PRRC2A: variants seen among roughly 807,000 people sequenced by gnomAD.
The protein encoded by PRRC2A is proline rich coiled-coil 2A.
Under a neutral mutation model 224.6 loss-of-function variants are expected in PRRC2A, and 59 were observed. The observed-to-expected ratio is 0.26, with a 90% CI of 0.21 to 0.33. The LOEUF is 0.33. Among genes scored for constraint, PRRC2A ranks in the 10% least tolerant of loss-of-function variants. The pLI is 1.00. For synonymous variants in PRRC2A, 1,194 were observed against 1,109.5 expected (o/e 1.08, Z -1.51); for missense variants, 3,095 against 2,880.7 (o/e 1.07, Z -1.70).
At chr6:31,622,640 C>T in intron 1 of PRRC2A, 50 bp from the exon 2 acceptor site, 1 of 630,184 alleles carries the variant, frequency 1.6e-6, no homozygotes, top group Non-Finnish European at 2.8e-6. Flanking sequence ...TATCTGAGTC[C>T]CTAATGATAA....
At position 31,631,105 on chromosome 6, in the gene PRRC2A, T is replaced by G; in HGVS notation, c.2466-34T>G. 2 of 1,441,920 alleles carry G rather than the reference T, an allele frequency of 1.4e-6. No homozygotes were observed. The highest frequency in any genetic ancestry group is 9.4e-7 in the Non-Finnish European group (1 of 1,068,536). The allele number at this position is 1,441,920 out of a possible 1,614,324, so 89.3% of individuals were successfully genotyped here. On this transcript the variant is annotated intron_variant, in intron 15 of 30. Coordinates refer to ENST00000376033, the MANE Select transcript of PRRC2A (RefSeq NM_004638.4). This position sits in a 1 kb window ranked among gnomAD's most constrained non-coding sequence, Gnocchi z 4.5. ...CCACCTAGTTCTGGTTTTCCTGAGA[T>G]ACTTATTTCCATTCTTTCTGTCTGT...
chr6:31,628,978 A>T (rs1420725771), intron 12 of PRRC2A, 166 bp from the exon 13 acceptor site: 1 of 678,282 alleles, frequency 1.5e-6, no homozygotes, highest in Non-Finnish European at 2.5e-6. Context: ...ATGAGAGGCC[A>T]TGAAGTGCTT....
chr6:31,623,466 C>T (rs1373789084), intron 2 of PRRC2A, among the ~76,000 whole-genome samples: 1 of 151,994 alleles, frequency 6.6e-6, no homozygotes, highest in Non-Finnish European at 1.5e-5. Flanking sequence ...AGGGTTTCTC[C>T]ATTTTGGTCA....
In PRRC2A at chr6:31,631,685, C is replaced by G; in HGVS notation, c.3012C>G (p.Ser1004=). ...PKETPPNGNL[S]PAPRLRRDYS... ...AGACCCCACCCAATGGAAATCTTTC[C>G]CCTGCCCCAAGGCTTCGGAGGGACT... The change falls in exon 16 of 31, where the codon TCC becomes TCG. Residue 1004 remains serine, a synonymous_variant. Transcript: ENST00000376033. The surrounding 1 kb of genome is among the most constrained non-coding windows in gnomAD (Gnocchi z 4.5). 1 of 1,514,108 alleles carries G rather than the reference C, an allele frequency of 6.6e-7. No individual in the cohort carries two copies. The highest frequency in any genetic ancestry group is 1.4e-5 in the African/African-American group (1 of 71,618). 93.8% of individuals were successfully genotyped at this position (1,514,108 alleles called of 1,614,324 possible). A position where few individuals can be genotyped will look rare whatever the true frequency, so the allele number is the denominator to read the frequency against.
rs1033230962 is a variant in PRRC2A at position 31,634,573 on chromosome 6, A to T, written c.4935+16A>T. 2 of 1,608,184 alleles carry T rather than the reference A, an allele frequency of 1.2e-6. No individual in the cohort carries two copies. The highest frequency in any genetic ancestry group is 1.7e-6 in the Non-Finnish European group (2 of 1,177,852). ...TGGCACAGAAGTGAGTGAGGGTGGG[A>T]GGGTGTGTCTGAGCTGGGACTTTTT... On this transcript the variant is annotated intron_variant, in intron 20 of 30. Transcript: ENST00000376033.
chr6:31,623,230 T>A, intron 2 of PRRC2A: 1 of 603,098 alleles, frequency 1.7e-6, no homozygotes, highest in Non-Finnish European at 3.1e-6. Context: ...ATGTTACATA[T>A]CTCAGCCTTC....
rs780664319 is a variant in PRRC2A at position 31,631,743 on chromosome 6, C to T, written c.3070C>T (p.Arg1024Trp). The T allele has an allele frequency of 1.2e-5, 19 of 1,531,610 alleles. No individual in the cohort carries two copies. Among genetic ancestry groups the T allele is most frequent in the East Asian group, 2.3e-5 (1 of 43,946 alleles). The allele number at this position is 1,531,610 out of a possible 1,614,324, so 94.9% of individuals were successfully genotyped here. A position where few individuals can be genotyped will look rare whatever the true frequency, so the allele number is the denominator to read the frequency against. ...TGAAAGAGTGGGTCCTACCTCTTGC[C>T]GGGGTCGGGGCCGAGGCGAGTATTT... is the stretch of plus-strand genomic sequence containing the variant. ...SYERVGPTSC[R>W]GRGRGEYFAR... The change falls in exon 16 of 31, where the codon CGG becomes TGG. Residue 1024 changes from arginine (R) to tryptophan (W), a missense_variant. Transcript: ENST00000376033. This position sits in a 1 kb window ranked among gnomAD's most constrained non-coding sequence, Gnocchi z 4.5.
At chr6:31,624,045 G>GTCAT in intron 3 of PRRC2A, 136 bp downstream of exon 3, 1 of 1,189,748 alleles carries the variant, frequency 8.4e-7, no homozygotes, top group Non-Finnish European at 1.2e-6. Context: ...CAGGTTCCTT[G>GTCAT]TTAAATGACT....
rs1776304583 is a variant in PRRC2A at position 31,629,601 on chromosome 6, C to T, written c.2010C>T (p.Gly670=). 3 of 1,612,170 alleles carry T rather than the reference C, an allele frequency of 1.9e-6. No individual in the cohort carries two copies. Among genetic ancestry groups the T allele is most frequent in the East Asian group, 2.2e-5 (1 of 44,888 alleles). ...QQHQWQQHQQ[G]SAPPTPVPPS... ...ACCAGTGGCAGCAGCATCAACAGGG[C>T]TCTGCCCCTCCTACCCCAGTGCCCC... is the stretch of plus-strand genomic sequence containing the variant. Residue 670 remains glycine, a synonymous_variant, in exon 14 of 31, where the codon GGC becomes GGT. Coordinates refer to ENST00000376033, the MANE Select transcript of PRRC2A (RefSeq NM_004638.4).
intron 2 of PRRC2A, chr6:31,623,213 G>T: frequency 1.6e-6 from 1 of 622,272 alleles, no homozygotes; most frequent in Non-Finnish European, 3.0e-6. Context: ...TCACATAAAA[G>T]TATTGAATGT....
chr6:31,632,393 C>T lies in PRRC2A; in HGVS notation c.3720C>T (p.Pro1240=). ...TGGGCATGGAAGATGGGGAGCGACC[C>T]CGAAGGAGGCGACATGGGAGGGCTC... ...SNVGMEDGER[P]RRRRHGRAQQ... Residue 1240 remains proline (P), a synonymous_variant, in exon 16 of 31, where the codon CCC becomes CCT. Coordinates refer to ENST00000376033, the MANE Select transcript of PRRC2A (RefSeq NM_004638.4). 2 of 1,610,648 alleles carry T rather than the reference C, an allele frequency of 1.2e-6. No individual in the cohort carries two copies. The highest frequency in any genetic ancestry group is 1.1e-5 in the South Asian group (1 of 90,952).
rs1176712339 is a variant in PRRC2A, at chr6:31,627,346, T to C, written c.1290+148T>C. ...GCTGCAGAACATCCTGGGAAGCTTTTAAATATCTTTGGTAATAGGGGAGTC... is the reference window on the plus strand; with the variant it reads ...GCTGCAGAACATCCTGGGAAGCTTTCAAATATCTTTGGTAATAGGGGAGTC... On this transcript the variant is annotated intron_variant, in intron 11 of 30. Transcript: ENST00000376033. The surrounding 1 kb of genome is among the most constrained non-coding windows in gnomAD (Gnocchi z 5.6). 1.5e-6 allele frequency: 1 copy of C among 651,410 alleles called. No homozygotes were observed. Among genetic ancestry groups the C allele is most frequent in the Admixed American group, 2.9e-5 (1 of 34,000 alleles). 40.4% of individuals were successfully genotyped at this position (651,410 alleles called of 1,614,324 possible).
chr6:31,635,219 A>G lies in PRRC2A; in HGVS notation c.5248A>G (p.Ile1750Val). 3 of 1,614,202 alleles carry G rather than the reference A, an allele frequency of 1.9e-6. No homozygotes were observed. The highest frequency in any genetic ancestry group is 2.5e-6 in the Non-Finnish European group (3 of 1,180,020). ...AGACCGAGGCACAGAGCCTGGCCCCATTCGGCCATCCCATCGACCTGGTCC... is the reference window on the plus strand; with the variant it reads ...AGACCGAGGCACAGAGCCTGGCCCCGTTCGGCCATCCCATCGACCTGGTCC... The part of the protein sequence containing the change: ...RTDRGTEPGP[I>V]RPSHRPGPPV... Residue 1750 changes from isoleucine to valine, a missense_variant, in exon 22 of 31, where the codon ATT becomes GTT. Around this residue, in one of 8 missense-constraint regions of PRRC2A, gnomAD observed 662 missense variants for 609.5 expected, o/e 1.09. Transcript: ENST00000376033.
In PRRC2A at chr6:31,629,752, C is replaced by T. The variant is rs775847922; in HGVS notation, c.2161C>T (p.Pro721Ser). ...PPPMPPMNFD[P>S]RWMMIPPYVD... is the part of the protein sequence containing the mutation. ...ACCCATGCCCCCAATGAACTTTGATCCCCGATGGATGATGATTCCTCCTTA... is the reference window on the plus strand; with the variant it reads ...ACCCATGCCCCCAATGAACTTTGATTCCCGATGGATGATGATTCCTCCTTA... Residue 721 changes from proline (P) to serine (S), a missense_variant, in exon 14 of 31, where the codon CCC becomes TCC. Around this residue, in one of 8 missense-constraint regions of PRRC2A, gnomAD observed 2,001 missense variants for 1,764.9 expected, o/e 1.13. Coordinates refer to ENST00000376033, the MANE Select transcript of PRRC2A (RefSeq NM_004638.4). The T allele has an allele frequency of 6.8e-6, 11 of 1,611,750 alleles. No homozygotes were observed. The highest frequency in any genetic ancestry group is 2.2e-5 in the South Asian group (2 of 90,828).
chr6:31,631,428 G>C lies in PRRC2A; in HGVS notation c.2755G>C (p.Glu919Gln). 1.2e-6 allele frequency: 2 copies of C among 1,610,428 alleles called. No individual in the cohort carries two copies. The highest frequency in any genetic ancestry group is 1.7e-6 in the Non-Finnish European group (2 of 1,178,942). Reference protein sequence around the residue: ...GGQGPPPPRRESRTETRWGPR... With the variant: ...GGQGPPPPRRQSRTETRWGPR... ...CCAGGGCCCCCCACCACCACGCAGA[G>C]AGAGTCGCACAGAGACCCGCTGGGG... is the stretch of plus-strand genomic sequence containing the variant. Residue 919 changes from glutamate to glutamine, a missense_variant, in exon 16 of 31, where the codon GAG (glutamate) becomes CAG (glutamine). Physicochemically the swap from Glu to Gln is conservative, Grantham distance 29. Around this residue, in one of 8 missense-constraint regions of PRRC2A, gnomAD observed 2,001 missense variants for 1,764.9 expected, o/e 1.13. Coordinates refer to ENST00000376033, the MANE Select transcript of PRRC2A (RefSeq NM_004638.4). The surrounding 1 kb of genome is among the most constrained non-coding windows in gnomAD (Gnocchi z 4.5).
Position 31,631,779 on chromosome 6 carries a change from A to C in PRRC2A, c.3106A>C (p.Arg1036=), listed in dbSNP as rs78503551. 14,981 of 1,538,876 alleles carry C rather than the reference A, an allele frequency of 9.7e-3. 194 individuals are homozygous for C. The Middle Eastern group carries it at 0.099, about 10-fold the overall frequency. Residue 1036 remains arginine, a synonymous_variant, in exon 16 of 31, where the codon AGG becomes CGG. Coordinates refer to ENST00000376033, the MANE Select transcript of PRRC2A (RefSeq NM_004638.4). The surrounding 1 kb of genome is among the most constrained non-coding windows in gnomAD (Gnocchi z 4.5). The part of the protein sequence containing the change: ...RGRGEYFARG[R]GFRGTYGGRG... ...CCGAGGCGAGTATTTTGCCAGAGGGAGGGGTTTTCGGGGGACCTATGGGGG... is the reference window on the plus strand; with the variant it reads ...CCGAGGCGAGTATTTTGCCAGAGGGCGGGGTTTTCGGGGGACCTATGGGGG...
Position 31,627,603 on chromosome 6 carries a change from A to C in PRRC2A, c.1291-162A>C, listed in dbSNP as rs1426515216. 6.6e-6 allele frequency among the ~76,000 whole-genome samples: 1 copy of C among 152,174 alleles called. No individual in the cohort carries two copies. Among genetic ancestry groups the C allele is most frequent in the Non-Finnish European group, 1.5e-5 (1 of 68,026 alleles). On this transcript the variant is annotated intron_variant, in intron 11 of 30. Coordinates refer to ENST00000376033, the MANE Select transcript of PRRC2A (RefSeq NM_004638.4). This position sits in a 1 kb window ranked among gnomAD's most constrained non-coding sequence, Gnocchi z 5.6. Reference sequence around the variant, plus strand: ...GGGCAACATAGCAAGACGTGGTCTCAAAGAAGACCAGGATAATGAGTTTGT... The same window carrying C: ...GGGCAACATAGCAAGACGTGGTCTCCAAGAAGACCAGGATAATGAGTTTGT...
intron 24 of PRRC2A, 102 bp downstream of exon 24, chr6:31,635,851 GATACCA>G (rs1163509412): frequency 5.5e-6 from 8 of 1,458,568 alleles, no homozygotes; most frequent in Non-Finnish European, 7.4e-6. Flanking sequence ...AGAGTTGTGA[GATACCA>G]CTTTGTCACA....
At position 31,634,857 on chromosome 6, in the gene PRRC2A, A is replaced by C; in HGVS notation, c.5040A>C (p.Ala1680=). 1 of 1,613,044 alleles carries C rather than the reference A, an allele frequency of 6.2e-7. No individual in the cohort carries two copies. Among genetic ancestry groups the C allele is most frequent in the Non-Finnish European group, 8.5e-7 (1 of 1,180,022 alleles). ...SSPDGGLKGA[A]EGPPKRPGGS... ...CTGATGGAGGACTCAAGGGGGCAGC[A>C]GAGGGACCCCCCAAGAGGCCTGGAG... The change falls in exon 21 of 31, where the codon GCA becomes GCC. Residue 1680 remains alanine (A), a synonymous_variant. Coordinates refer to ENST00000376033, the MANE Select transcript of PRRC2A (RefSeq NM_004638.4).
Sources: gnomAD v4.1 joint callset for allele counts (sites outside exome capture counted in the v4.1 genomes callset) on GRCh38, gnomAD v4.1.1 for gene constraint, gnomAD v4.1.1 regional missense constraint, Gnocchi (gnomAD v3.1) non-coding constraint, MANE v1.5 for transcripts, NCBI Gene and HGNC (gene_info 2026-07-23, HGNC 2026-07-21) for gene names.